CNTNAP2: variants seen among roughly 807,000 people sequenced by gnomAD.
The protein encoded by CNTNAP2 is contactin associated protein 2.
Under a neutral mutation model 155.2 loss-of-function variants are expected in CNTNAP2, and 98 were observed. The ratio of observed to expected loss-of-function variants is 0.63; its 90% CI spans 0.54 to 0.75. The LOEUF (loss-of-function observed/expected upper bound fraction) is 0.75, where lower values mean the gene tolerates loss of function less well. Ranked by LOEUF, CNTNAP2 falls within the 30% of genes least tolerant of loss-of-function variation. The pLI, the probability that CNTNAP2 is intolerant of heterozygous loss-of-function variation, is 0.00. For missense variants in CNTNAP2, 1,727 were observed against 1,688.1 expected (o/e 1.02, Z -0.40); for synonymous variants, 651 against 631.2 (o/e 1.03, Z -0.47).
At chr7:147,668,225 A>T (rs1795731219) in intron 13 of CNTNAP2, among the ~76,000 whole-genome samples, 1 of 152,214 alleles carries the variant, frequency 6.6e-6, no homozygotes. Flanking sequence ...GTTTTTACAG[A>T]CCTCAACAAA....
At position 147,618,682 on chromosome 7, in the gene CNTNAP2, T is replaced by TTA. The variant is rs377467290; in HGVS notation, c.1898-20413_1898-20412dup. Among the ~76,000 whole-genome samples the TTA allele has an allele frequency of 1.2e-3, 177 of 142,502 alleles. 1 individual carries two copies. Among genetic ancestry groups the TTA allele is most frequent in the African/African-American group, 4.3e-3 (151 of 35,038 alleles). 93.5% of individuals were successfully genotyped at this position (142,502 alleles called of 152,430 possible). A position where few individuals can be genotyped will look rare whatever the true frequency, so the allele number is the denominator to read the frequency against. Reference sequence around the variant, plus strand: ...GCTATTATATATATAATAACAGCTATTATATATATATAATAACAGCTATTA... The same window carrying TTA: ...GCTATTATATATATAATAACAGCTATTATATATATATATAATAACAGCTATTA... On this transcript the variant is annotated intron_variant, in intron 12 of 23. Transcript: ENST00000361727.
At chr7:148,327,525 TC>T (rs1484899636) in intron 21 of CNTNAP2, among the ~76,000 whole-genome samples, 2 of 150,204 alleles carry the variant, frequency 1.3e-5, no homozygotes, top group African/African-American at 4.8e-5. Context: ...GTAAATTGCC[TC>T]CTTATTCCTC....
intron 3 of CNTNAP2, among the ~76,000 whole-genome samples, chr7:146,850,419 G>A (rs1408792641): frequency 1.3e-5 from 2 of 152,144 alleles, no homozygotes; most frequent in Admixed American, 1.3e-4. Context: ...TGATTTAGCA[G>A]AGAAATTCAG....
Position 148,405,513 on chromosome 7 carries a change from C to T in CNTNAP2, c.3716-3878C>T, listed in dbSNP as rs375472457. Among the ~76,000 whole-genome samples, 108 of 141,758 alleles carry T rather than the reference C, an allele frequency of 7.6e-4. 1 individual carries two copies. The highest frequency in any genetic ancestry group is 2.3e-3 in the African/African-American group (90 of 38,490). The allele number at this position is 141,758 out of a possible 152,430, so 93.0% of individuals were successfully genotyped here. A position where few individuals can be genotyped will look rare whatever the true frequency, so the allele number is the denominator to read the frequency against. ...TGCAATCTCGGCTCGCTACAACCTCCGCCTCCCAGGTTCAAGCGGTTCAAG... is the reference window on the plus strand; with the variant it reads ...TGCAATCTCGGCTCGCTACAACCTCTGCCTCCCAGGTTCAAGCGGTTCAAG... On this transcript the variant is annotated intron_variant, in intron 22 of 23. Coordinates refer to ENST00000361727, the MANE Select transcript of CNTNAP2 (RefSeq NM_014141.6).
chr7:146,567,646 C>T (rs558040241), intron 1 of CNTNAP2, among the ~76,000 whole-genome samples: 2 of 152,160 alleles, frequency 1.3e-5, no homozygotes, highest in African/African-American at 2.4e-5. Context: ...TAAATTGGTA[C>T]TTTAACTTTT....
chr7:148,242,886 C>T (rs1796184562), intron 20 of CNTNAP2, among the ~76,000 whole-genome samples: 1 of 152,308 alleles, frequency 6.6e-6, no homozygotes, highest in East Asian at 1.9e-4. Flanking sequence ...TGCATCCTTT[C>T]CCCAGTGGTC....
chr7:148,232,559 T>A (rs962228473), intron 20 of CNTNAP2, among the ~76,000 whole-genome samples: 3 of 152,238 alleles, frequency 2.0e-5, no homozygotes, highest in African/African-American at 7.2e-5. Flanking sequence ...AGCCATATAT[T>A]CTCAACCTAT....
intron 1 of CNTNAP2, among the ~76,000 whole-genome samples, chr7:146,207,637 G>GTTTTTTTTTTTTTTTTTT (rs57881187): frequency 8.2e-6 from 1 of 122,360 alleles, no homozygotes. Context: ...ACAGGACTGT[G>GTTTTTTTTTTTTTTTTTT]TTTTTTTTTT....
intron 1 of CNTNAP2, among the ~76,000 whole-genome samples, chr7:146,698,011 A>T (rs1800811213): frequency 6.6e-6 from 1 of 152,098 alleles, no homozygotes; most frequent in Admixed American, 6.6e-5. Context: ...TGCAATATAC[A>T]TTTGCAATAA....
At chr7:147,953,039 C>T (rs1800961811) in intron 14 of CNTNAP2, among the ~76,000 whole-genome samples, 1 of 152,136 alleles carries the variant, frequency 6.6e-6, no homozygotes. Context: ...ATGAGTTTTC[C>T]CCAATCTTAC....
intron 1 of CNTNAP2, among the ~76,000 whole-genome samples, chr7:146,590,093 G>T (rs1003673850): frequency 6.6e-6 from 1 of 152,070 alleles, no homozygotes; most frequent in African/African-American, 2.4e-5. Flanking sequence ...TTCCGGCTTC[G>T]TTGTCTTCTC....
chr7:146,971,929 G>A (rs539040418), intron 3 of CNTNAP2, among the ~76,000 whole-genome samples: 4 of 152,168 alleles, frequency 2.6e-5, no homozygotes, highest in South Asian at 2.1e-4. Flanking sequence ...TTTATATCAC[G>A]CATCTACTTC....
At chr7:147,415,418 A>G (rs1195280619) in intron 10 of CNTNAP2, among the ~76,000 whole-genome samples, 1 of 152,128 alleles carries the variant, frequency 6.6e-6, no homozygotes, top group African/African-American at 2.4e-5. Flanking sequence ...TAATTGAATC[A>G]TGGGCATGGT....
chr7:146,714,914 C>T (rs1321337316), intron 1 of CNTNAP2, among the ~76,000 whole-genome samples: 5 of 152,152 alleles, frequency 3.3e-5, no homozygotes, highest in African/African-American at 1.2e-4. Context: ...GGCGCTTAAC[C>T]TCTTTCTTTG....
rs571821361 is a variant in CNTNAP2 at position 146,349,467 on chromosome 7, A to T, written c.97+232494A>T. Among the ~76,000 whole-genome samples, 3 of 152,274 alleles carry T rather than the reference A, an allele frequency of 2.0e-5. No individual in the cohort carries two copies. The East Asian group carries it at 5.8e-4, about 29-fold the overall frequency. ...AACTTATGCATCTATAAAAATTTTC[A>T]TTTAAAGTTAATATTGTTATGTGTG... is the stretch of plus-strand genomic sequence containing the variant. On this transcript the variant is annotated intron_variant, in intron 1 of 23. Transcript: ENST00000361727.
chr7:146,440,059 G>T (rs1212228778), intron 1 of CNTNAP2, among the ~76,000 whole-genome samples: 1 of 151,646 alleles, frequency 6.6e-6, no homozygotes, highest in Non-Finnish European at 1.5e-5. Context: ...GGGAGGCAGA[G>T]GTTGCAGTGA....
intron 8 of CNTNAP2, among the ~76,000 whole-genome samples, chr7:147,169,424 C>G (rs555814830): frequency 6.6e-6 from 1 of 152,010 alleles, no homozygotes; most frequent in South Asian, 2.1e-4. Flanking sequence ...CAATCAACGC[C>G]CTCCCTCTTT....
intron 8 of CNTNAP2, among the ~76,000 whole-genome samples, chr7:147,214,629 A>T (rs991997826): frequency 6.6e-6 from 1 of 152,184 alleles, no homozygotes; most frequent in African/African-American, 2.4e-5. Context: ...TATCAAAGGC[A>T]GGTAGTCACC....
chr7:146,969,625 G>T (rs1370830758), intron 3 of CNTNAP2, among the ~76,000 whole-genome samples: 1 of 142,704 alleles, frequency 7.0e-6, no homozygotes, highest in Non-Finnish European at 1.6e-5. Flanking sequence ...CAGAGACTAG[G>T]ATTGCAACCC....
Sources: gnomAD v4.1 joint callset for allele counts (sites outside exome capture counted in the v4.1 genomes callset) on GRCh38, gnomAD v4.1.1 for gene constraint, MANE v1.5 for transcripts, NCBI Gene and HGNC (gene_info 2026-07-23, HGNC 2026-07-21) for gene names.